Variants in ATL2 observed in about 807,000 individuals in gnomAD.
ATL2 encodes the protein atlastin GTPase 2.
In ATL2, 31 loss-of-function variants were observed where a neutral mutation model predicts 73.9. The observed-to-expected ratio is 0.42, with a 90% CI of 0.32 to 0.57. ATL2 has a LOEUF of 0.57. ATL2 is among the 20% of genes least tolerant of loss of function. ATL2 has a pLI of 0.14. For synonymous variants in ATL2, 291 were observed against 237.5 expected (o/e 1.23, Z -2.07); for missense variants, 738 against 702.6 (o/e 1.05, Z -0.57).
intron 2 of ATL2, among the ~76,000 whole-genome samples, chr2:38,341,604 A>T (rs1471716004): frequency 6.6e-6 from 1 of 152,204 alleles, no homozygotes; most frequent in Non-Finnish European, 1.5e-5. Flanking sequence ...ACTAAAAGCC[A>T]TGTTCACACC....
chr2:38,336,471 A>C (rs1669362517), intron 2 of ATL2, among the ~76,000 whole-genome samples: 1 of 152,234 alleles, frequency 6.6e-6, no homozygotes, highest in Non-Finnish European at 1.5e-5. Context: ...ACCAGTGCAT[A>C]GCAAGAAAAG....
chr2:38,314,576 TA>T, intron 6 of ATL2, 31 bp downstream of exon 6: 2 of 1,521,280 alleles, frequency 1.3e-6, no homozygotes, highest in South Asian at 1.1e-5. Flanking sequence ...TCTCATAGGC[TA>T]ATCTTTAAAA....
At chr2:38,350,763 A>C in intron 1 of ATL2, among the ~76,000 whole-genome samples, 1 of 142,412 alleles carries the variant, frequency 7.0e-6, no homozygotes, top group Admixed American at 7.0e-5. Context: ...AAATTGCTCT[A>C]AAAAAAAAAA....
chr2:38,297,491 T>A (rs3213960), intron 12 of ATL2, among the ~76,000 whole-genome samples: 49,771 of 152,100 alleles, frequency 0.33, 8,366 homozygotes, highest in South Asian at 0.47. Context: ...TGGCTTTCCT[T>A]AGCAGATACT....
intron 1 of ATL2, chr2:38,376,118 A>T (rs143781075): frequency 6.6e-7 from 1 of 1,515,238 alleles, no homozygotes; most frequent in African/African-American, 1.4e-5. Context: ...GTACTTACCA[A>T]ATCGTAGGCT....
intron 2 of ATL2, among the ~76,000 whole-genome samples, chr2:38,324,267 A>C (rs1668481342): frequency 6.6e-6 from 1 of 152,208 alleles, no homozygotes. Context: ...AACAAAAGCG[A>C]AACTCAGTCT....
intron 1 of ATL2, among the ~76,000 whole-genome samples, chr2:38,371,324 C>A (rs1185991350): frequency 1.3e-5 from 2 of 151,800 alleles, no homozygotes; most frequent in African/African-American, 4.8e-5. Flanking sequence ...CTGGACAACA[C>A]AGGGAGACCA....
chr2:38,354,071 A>G, intron 1 of ATL2: 1 of 341,688 alleles, frequency 2.9e-6, no homozygotes. Context: ...ACGCACCTGT[A>G]ATCCCAGCTA....
At chr2:38,310,140 TC>T (rs1435682605) in intron 8 of ATL2, among the ~76,000 whole-genome samples, 168 bp downstream of exon 8, 1 of 152,160 alleles carries the variant, frequency 6.6e-6, no homozygotes, top group Non-Finnish European at 1.5e-5. Context: ...TGCAAACAAA[TC>T]AATGGAATGC....
chr2:38,312,723 A>AAAAG (rs572171542), intron 7 of ATL2, among the ~76,000 whole-genome samples: 2,068 of 149,364 alleles, frequency 0.014, 63 homozygotes, highest in African/African-American at 0.05. Context: ...AAAAAAAAAA[A>AAAAG]AAGAAGGTGC....
chr2:38,312,388 C>T (rs1053291258), intron 7 of ATL2, among the ~76,000 whole-genome samples: 1 of 146,448 alleles, frequency 6.8e-6, no homozygotes, highest in Non-Finnish European at 1.5e-5. Context: ...CTTCCCCCTT[C>T]ACTCTCTCTC....
chr2:38,314,483 T>C (rs1667922759), intron 6 of ATL2, 125 bp downstream of exon 6: 3 of 621,420 alleles, frequency 4.8e-6, no homozygotes, highest in Non-Finnish European at 8.6e-6. Flanking sequence ...TTAGTTTCGA[T>C]TGCACTGAAT....
intron 2 of ATL2, among the ~76,000 whole-genome samples, chr2:38,329,628 CA>C (rs1668870231): frequency 6.6e-6 from 1 of 151,662 alleles, no homozygotes; most frequent in African/African-American, 2.4e-5. Context: ...CAAAACCAGA[CA>C]AAGATACTAC....
intron 9 of ATL2, among the ~76,000 whole-genome samples, chr2:38,300,690 A>T (rs560769927): frequency 4.2e-4 from 64 of 152,200 alleles, no homozygotes; most frequent in African/African-American, 1.4e-3. Context: ...TCACACTGAC[A>T]CTGAGGCTGG....
intron 1 of ATL2, among the ~76,000 whole-genome samples, chr2:38,370,380 C>G (rs1333721042): frequency 7.6e-6 from 1 of 132,128 alleles, no homozygotes; most frequent in African/African-American, 2.8e-5. Flanking sequence ...ACCTGGGAGG[C>G]GGAGGTTACA....
intron 4 of ATL2, among the ~76,000 whole-genome samples, chr2:38,317,954 G>A (rs1293872658): frequency 6.6e-6 from 1 of 152,114 alleles, no homozygotes; most frequent in African/African-American, 2.4e-5. Flanking sequence ...AATGTAAATA[G>A]CTCTCAAGAA....
Position 38,307,253 on chromosome 2 carries a change from T to C in ATL2, c.1071+2126A>G, listed in dbSNP as rs116864792. 1.8e-4 allele frequency among the ~76,000 whole-genome samples: 27 copies of C among 152,138 alleles called. No individual in the cohort carries two copies. The East Asian group carries it at 4.9e-3, about 27-fold the overall frequency. On this transcript the variant is annotated intron_variant, in intron 9 of 12. Transcript: ENST00000378954. ...GCTGCCTGTAATCCCAGCTACTTTT[T>C]TGATGTGCAAAACCTTTTAACTTGA...
intron 1 of ATL2, among the ~76,000 whole-genome samples, chr2:38,356,265 C>A (rs760601329): frequency 6.6e-6 from 1 of 151,972 alleles, no homozygotes; most frequent in Admixed American, 6.6e-5. Flanking sequence ...ATCGACCAGG[C>A]TGGAGTGCAA....
intron 1 of ATL2, among the ~76,000 whole-genome samples, chr2:38,373,390 G>C (rs1192246508): frequency 6.6e-6 from 1 of 152,200 alleles, no homozygotes; most frequent in Non-Finnish European, 1.5e-5. Context: ...TCATAAAGTT[G>C]TATGAACAGG....
Sources: gnomAD v4.1 joint callset for allele counts (sites outside exome capture counted in the v4.1 genomes callset) on GRCh38, gnomAD v4.1.1 for gene constraint, MANE v1.5 for transcripts, NCBI Gene and HGNC (gene_info 2026-07-23, HGNC 2026-07-21) for gene names.